The following SRGAP2B variants were observed in gnomAD, a reference collection of about 807,000 sequenced individuals.
The protein encoded by SRGAP2B is SLIT-ROBO Rho GTPase activating protein 2B, also known as SLIT-ROBO Rho GTPase-activating protein 2B.
SRGAP2B carries 9 observed loss-of-function variants against 22.2 expected under a neutral mutation model. The ratio of observed to expected loss-of-function variants is 0.41; its 90% CI spans 0.24 to 0.71. The LOEUF is 0.71. Among genes scored for constraint, SRGAP2B ranks in the 30% least tolerant of loss-of-function variants. The pLI, the probability that SRGAP2B is intolerant of heterozygous loss-of-function variation, is 0.35. For missense variants in SRGAP2B, 114 were observed against 235.8 expected, an observed-to-expected ratio of 0.48 and a Z score of 3.38; for synonymous variants, 36 against 87.4, an observed-to-expected ratio of 0.41 and a Z score of 3.28.
At chr1:144,960,297 A>G (rs587755870) in intron 3 of SRGAP2B, among the ~76,000 whole-genome samples, 4 of 149,524 alleles carry the variant, frequency 2.7e-5, no homozygotes, top group African/African-American at 2.5e-5. Flanking sequence ...CTTACTTAAA[A>G]TGTTTTTCAG....
intron 2 of SRGAP2B, among the ~76,000 whole-genome samples, chr1:145,006,979 A>G (rs1388246706): frequency 6.6e-6 from 1 of 150,400 alleles, no homozygotes; most frequent in Non-Finnish European, 1.5e-5. Context: ...TGAACAAGAC[A>G]CTTAATCTCT....
rs587608807 is a variant in SRGAP2B, at chr1:144,957,101, C to T, written c.261-1500G>A. Among the ~76,000 whole-genome samples the T allele has an allele frequency of 3.3e-5, 5 of 150,528 alleles. No homozygotes were observed. The East Asian group carries it at 7.8e-4, about 23-fold the overall frequency. On this transcript the variant is annotated intron_variant, in intron 3 of 9. Transcript: ENST00000612199. ...TCAAACCAAGCCTATAACTGCAAAG[C>T]GAGTACTCTCATTCACTGCAAATAA... is the stretch of plus-strand genomic sequence containing the variant.
chr1:144,943,665 GA>G (rs1553607842), intron 4 of SRGAP2B, among the ~76,000 whole-genome samples: 1 of 144,816 alleles, frequency 6.9e-6, no homozygotes, highest in East Asian at 2.0e-4. Flanking sequence ...GAGAGAGAAA[GA>G]GAGAGAAAAG....
rs1282365486 is a variant in SRGAP2B at position 145,020,830 on chromosome 1, C to T, written c.68-25630G>A. On this transcript the variant is annotated intron_variant, in intron 2 of 9. Coordinates refer to ENST00000612199, the Ensembl canonical transcript of SRGAP2B. ...CTCTTTTTTTTTTTTGAGACAGTCT[C>T]ACTCTGTCACCCAGGCTGGAGTGCA... Among the ~76,000 whole-genome samples the T allele has an allele frequency of 7.3e-5, 11 of 150,308 alleles. No individual in the cohort carries two copies. In the East Asian group the frequency reaches 2.1e-3, roughly 29 times the overall value.
At chr1:145,009,311 G>A (rs587593798) in intron 2 of SRGAP2B, among the ~76,000 whole-genome samples, 3 of 150,618 alleles carry the variant, frequency 2.0e-5, no homozygotes, top group African/African-American at 5.0e-5. Context: ...ACTGGCGGCC[G>A]GGCGCGGTGG....
chr1:144,925,722 GAAAGA>G (rs1266735714), intron 4 of SRGAP2B, among the ~76,000 whole-genome samples: 2 of 104,756 alleles, frequency 1.9e-5, no homozygotes, highest in African/African-American at 7.7e-5. Context: ...GAGAGAGAGA[GAAAGA>G]AAAGAAAGAA....
At chr1:144,941,683 C>T (rs1345189086) in intron 4 of SRGAP2B, among the ~76,000 whole-genome samples, 1 of 148,006 alleles carries the variant, frequency 6.8e-6, no homozygotes, top group Non-Finnish European at 1.5e-5. Flanking sequence ...TTTGTCCTCA[C>T]TTTAAATAAA....
intron 2 of SRGAP2B, among the ~76,000 whole-genome samples, chr1:145,006,768 A>G (rs1553621160): frequency 1.3e-5 from 2 of 150,940 alleles, no homozygotes; most frequent in Admixed American, 1.3e-4. Flanking sequence ...TAGTAATCAC[A>G]TATCCCATTC....
rs1391468278 is a variant in SRGAP2B at position 145,001,797 on chromosome 1, G to A, written c.68-6597C>T. The stretch of plus-strand genomic sequence containing the variant: ...GGACTTTGGGAAGCCAAGGTGGGCC[G>A]ATTACTAGAGCTCAGGAGTTCCAGA... On this transcript the variant is annotated intron_variant, in intron 2 of 9. Transcript: ENST00000612199. Among the ~76,000 whole-genome samples, 31 of 150,818 alleles carry A rather than the reference G, an allele frequency of 2.1e-4. 3 individuals carry two copies. The highest frequency in any genetic ancestry group is 7.0e-4 in the African/African-American group (28 of 40,266).
rs587605920 is a variant in SRGAP2B, at chr1:144,916,182, A to T, written c.424-1428T>A. Among the ~76,000 whole-genome samples the T allele has an allele frequency of 2.0e-5, 3 of 148,658 alleles. No individual in the cohort carries two copies. In the East Asian group the frequency reaches 5.9e-4, roughly 29 times the overall value. On this transcript the variant is annotated intron_variant, in intron 4 of 9. Coordinates refer to ENST00000612199, the Ensembl canonical transcript of SRGAP2B. ...AACTCTTAAATTCCTACCACTAAGA[A>T]ATCACCACTCTAAGTGTTGTTATGT...
chr1:145,083,193 G>A lies in SRGAP2B; in HGVS notation c.67+9642C>T, dbSNP rs1279548117. The stretch of plus-strand genomic sequence containing the variant: ...AGGGGAGCAGGGAAGGCTTCCTGGA[G>A]GGGTGGCATCTGAGCTGCTTTAAAG... On this transcript the variant is annotated intron_variant, in intron 2 of 9. Transcript: ENST00000612199. Among the ~76,000 whole-genome samples the A allele has an allele frequency of 1.5e-4, 22 of 144,578 alleles. 1 individual carries two copies. The Middle Eastern group carries it at 0.014, about 91-fold the overall frequency. The allele number at this position is 144,578 out of a possible 152,430, so 94.8% of individuals were successfully genotyped here. A position where few individuals can be genotyped will look rare whatever the true frequency, so the allele number is the denominator to read the frequency against.
chr1:144,994,003 A>G (rs1670463231), intron 3 of SRGAP2B, among the ~76,000 whole-genome samples: 1 of 149,898 alleles, frequency 6.7e-6, no homozygotes, highest in Non-Finnish European at 1.5e-5. Context: ...CAGCTATTGT[A>G]TTAGCATATT....
In SRGAP2B at chr1:145,030,702, T is replaced by C. The variant is rs1225840372; in HGVS notation, c.68-35502A>G. 6.8e-4 allele frequency among the ~76,000 whole-genome samples: 14 copies of C among 20,644 alleles called. No individual in the cohort carries two copies. In the East Asian group the frequency reaches 0.015, roughly 22 times the overall value. The allele number at this position is 20,644 out of a possible 152,430, so 13.5% of individuals were successfully genotyped here. A position where few individuals can be genotyped will look rare whatever the true frequency, so the allele number is the denominator to read the frequency against. On this transcript the variant is annotated intron_variant, in intron 2 of 9. Coordinates refer to ENST00000612199, the Ensembl canonical transcript of SRGAP2B. ...TGTACTCTAGAACTTAAAGTATAATTTAAAAAAAAAAAAAAAAAAATATAT... is the reference window on the plus strand; with the variant it reads ...TGTACTCTAGAACTTAAAGTATAATCTAAAAAAAAAAAAAAAAAAATATAT...
chr1:144,945,499 T>G (rs587618160), intron 4 of SRGAP2B, among the ~76,000 whole-genome samples: 2 of 151,860 alleles, frequency 1.3e-5, no homozygotes, highest in African/African-American at 4.9e-5. Context: ...ATGGAAGGAC[T>G]GGGATTGCTT....
intron 3 of SRGAP2B, among the ~76,000 whole-genome samples, chr1:144,992,535 C>G (rs1553617486): frequency 7.2e-6 from 1 of 139,210 alleles, no homozygotes; most frequent in Non-Finnish European, 1.5e-5. Context: ...ACTAAAATAA[C>G]ATTTTTTTAT....
chr1:145,002,719 T>C lies in SRGAP2B; in HGVS notation c.68-7519A>G, dbSNP rs1293299044. Among the ~76,000 whole-genome samples, 102 of 149,708 alleles carry C rather than the reference T, an allele frequency of 6.8e-4. 2 individuals carry two copies. Among genetic ancestry groups the C allele is most frequent in the Non-Finnish European group, 1.0e-3 (69 of 67,786 alleles). ...AAATTACAATCTAATTGTGAAGACA[T>C]GATCCAAATATACATTTCAAAATTT... On this transcript the variant is annotated intron_variant, in intron 2 of 9. Transcript: ENST00000612199.
At chr1:145,090,489 T>C (rs1426323367) in intron 2 of SRGAP2B, among the ~76,000 whole-genome samples, 1 of 149,768 alleles carries the variant, frequency 6.7e-6, no homozygotes, top group Non-Finnish European at 1.5e-5. Flanking sequence ...ATTCCCTGGG[T>C]TGAGGTAAGG....
At chr1:144,984,378 A>AAC (rs1669565607) in intron 3 of SRGAP2B, among the ~76,000 whole-genome samples, 1 of 148,744 alleles carries the variant, frequency 6.7e-6, no homozygotes, top group Non-Finnish European at 1.5e-5. Flanking sequence ...AAAAAAAAAA[A>AAC]CAAAAAAGCC....
chr1:145,069,743 T>TA (rs1444191686), intron 2 of SRGAP2B, among the ~76,000 whole-genome samples: 4 of 127,154 alleles, frequency 3.1e-5, no homozygotes, highest in Admixed American at 8.3e-5. Context: ...CCTGGAATTC[T>TA]ATAGGCTTCC....
Sources: allele counts gnomAD v4.1 joint callset (sites outside exome capture counted in the v4.1 genomes callset), GRCh38; gene constraint gnomAD v4.1.1; transcripts MANE v1.5; gene names NCBI Gene and HGNC (gene_info 2026-07-23, HGNC 2026-07-21).